The following TGFB3 variants were observed in gnomAD, a reference collection of about 807,000 sequenced individuals.
TGFB3 encodes transforming growth factor beta 3.
TGFB3 carries 5 observed loss-of-function variants against 40.1 expected under a neutral mutation model. The observed-to-expected ratio is 0.12, with a 90% CI of 0.07 to 0.26. The LOEUF is 0.26. Ranked by LOEUF, TGFB3 falls within the 10% of genes least tolerant of loss-of-function variation. TGFB3 has a pLI of 1.00. For synonymous variants in TGFB3, 184 were observed against 205.6 expected, an observed-to-expected ratio of 0.89 and a Z score of 0.90; for missense variants, 373 against 530.1, an observed-to-expected ratio of 0.70 and a Z score of 2.91.
In TGFB3 at chr14:75,965,632, T is replaced by A; in HGVS notation, c.710A>T (p.Asp237Val). 6.2e-7 allele frequency: 1 copy of A among 1,614,198 alleles called. No homozygotes were observed. The highest frequency in any genetic ancestry group is 8.5e-7 in the Non-Finnish European group (1 of 1,180,022). The change falls in exon 4 of 7, where the codon GAT (aspartate) becomes GTT (valine). Residue 237 changes from aspartate (D) to valine (V), a missense_variant. Asp to Val is a radical substitution (Grantham distance 152). Coordinates refer to ENST00000238682, the MANE Select transcript of TGFB3 (RefSeq NM_003239.5). ...CACCTCGTGAATGTTTTCCAGGATA[T>A]CTCCATTGGGCTGAAAGGTGTGACA... ...CPCHTFQPNGDILENIHEVME... is the reference protein window; with the variant it reads ...CPCHTFQPNGVILENIHEVME...
chr14:75,976,447 G>A (rs2035355118), intron 1 of TGFB3, among the ~76,000 whole-genome samples: 1 of 152,172 alleles, frequency 6.6e-6, no homozygotes, highest in Non-Finnish European at 1.5e-5. Context: ...CTGCTTTAAT[G>A]GTGTGAGCTT....
intron 3 of TGFB3, among the ~76,000 whole-genome samples, chr14:75,968,622 A>G (rs777035378): frequency 1.8e-4 from 28 of 152,176 alleles, no homozygotes; most frequent in African/African-American, 6.5e-4. Flanking sequence ...TCCTTTCTGT[A>G]GCCGTCTGAG....
In TGFB3 at chr14:75,981,026, G is replaced by T; in HGVS notation, c.-133C>A. ...AAAGACTGAGGCTTGGCAAGAAGGT[G>T]CATGAACTCACTGCACTGCGAGAGC... On this transcript the variant is annotated 5_prime_UTR_variant, in exon 1 of 7. Coordinates refer to ENST00000238682, the MANE Select transcript of TGFB3 (RefSeq NM_003239.5). This position sits in a 1 kb window ranked among gnomAD's most constrained non-coding sequence, Gnocchi z 4.7. 1.2e-6 allele frequency: 1 copy of T among 809,308 alleles called. No individual in the cohort carries two copies. The highest frequency in any genetic ancestry group is 2.1e-6 in the Non-Finnish European group (1 of 479,910). 50.1% of individuals were successfully genotyped at this position (809,308 alleles called of 1,614,324 possible).
chr14:75,965,790 C>G, intron 3 of TGFB3, 95 bp from the exon 4 acceptor site: 1 of 1,023,188 alleles, frequency 9.8e-7, no homozygotes, highest in Non-Finnish European at 1.5e-6. Flanking sequence ...GCCTCTGCTC[C>G]TATAGGGACT....
At chr14:75,959,439 G>A (rs2035126820) in intron 6 of TGFB3, 94 bp from the exon 7 acceptor site, 7 of 1,510,158 alleles carry the variant, frequency 4.6e-6, no homozygotes, top group East Asian at 2.3e-5. Context: ...CCCAGAAGCT[G>A]AGCAAGTGCT....
At chr14:75,975,007 C>T (rs1277860715) in intron 1 of TGFB3, among the ~76,000 whole-genome samples, 1 of 151,894 alleles carries the variant, frequency 6.6e-6, no homozygotes, top group African/African-American at 2.4e-5. Context: ...GGGAGGATTG[C>T]TTGAGCCCAG....
intron 3 of TGFB3, 31 bp from the exon 4 acceptor site, chr14:75,965,726 G>C: frequency 1.3e-6 from 2 of 1,574,724 alleles, no homozygotes; most frequent in African/African-American, 1.3e-5. Context: ...AGTGAGAAAA[G>C]CACCTCTGTG....
intron 1 of TGFB3, among the ~76,000 whole-genome samples, chr14:75,976,956 AC>A (rs2035360751): frequency 1.3e-5 from 2 of 151,994 alleles, no homozygotes; most frequent in Admixed American, 6.6e-5. Context: ...CCAAGACTCC[AC>A]CCCCTCAAGA....
At chr14:75,965,522 G>A (rs1180682011) in intron 4 of TGFB3, 66 bp downstream of exon 4, 2 of 1,345,312 alleles carry the variant, frequency 1.5e-6, no homozygotes, top group Admixed American at 3.4e-5. Flanking sequence ...AGGGTCTCCT[G>A]CACTATCCTG....
rs2035120972 is a variant in TGFB3, at chr14:75,959,098, A to G, written c.*89T>C. On this transcript the variant is annotated 3_prime_UTR_variant, in exon 7 of 7. Coordinates refer to ENST00000238682, the MANE Select transcript of TGFB3 (RefSeq NM_003239.5). ...GAAGGTTGTGGGCTCCAGGCCTCTC[A>G]GTGAGGTTTGTTGCTTGTGTGTTTC... 3.2e-6 allele frequency: 5 copies of G among 1,563,678 alleles called. No individual in the cohort carries two copies. Among genetic ancestry groups the G allele is most frequent in the Admixed American group, 1.7e-5 (1 of 59,730 alleles).
chr14:75,971,541 G>A lies in TGFB3; in HGVS notation c.516+14C>T, dbSNP rs757567007. 4 of 1,613,838 alleles carry A rather than the reference G, an allele frequency of 2.5e-6. No homozygotes were observed. The highest frequency in any genetic ancestry group is 3.4e-6 in the Non-Finnish European group (4 of 1,179,958). On this transcript the variant is annotated intron_variant, in intron 2 of 6. Coordinates refer to ENST00000238682, the MANE Select transcript of TGFB3 (RefSeq NM_003239.5). The surrounding 1 kb of genome is among the most constrained non-coding windows in gnomAD (Gnocchi z 4.5). The stretch of plus-strand genomic sequence containing the variant: ...TTCCCGTCGGTGTGGTTTCTGCTCT[G>A]AGAGAGGAGTTACCTGGAAGAGCTC...
At chr14:75,962,837 G>A (rs2035173742) in intron 5 of TGFB3, among the ~76,000 whole-genome samples, 1 of 152,162 alleles carries the variant, frequency 6.6e-6, no homozygotes, top group East Asian at 1.9e-4. Flanking sequence ...GAATTCATTT[G>A]TTAATTTCTC....
Position 75,971,531 on chromosome 14 carries a change from T to C in TGFB3, c.516+24A>G. On this transcript the variant is annotated intron_variant, in intron 2 of 6. Transcript: ENST00000238682. This position sits in a 1 kb window ranked among gnomAD's most constrained non-coding sequence, Gnocchi z 4.5. ...GGAACCAGCTTTCCCGTCGGTGTGG[T>C]TTCTGCTCTGAGAGAGGAGTTACCT... 1.2e-6 allele frequency: 2 copies of C among 1,613,698 alleles called. No homozygotes were observed. Among genetic ancestry groups the C allele is most frequent in the African/African-American group, 1.3e-5 (1 of 75,038 alleles).
intron 6 of TGFB3, 145 bp from the exon 7 acceptor site, chr14:75,959,490 C>G: frequency 1.1e-6 from 1 of 941,080 alleles, no homozygotes; most frequent in Non-Finnish European, 1.7e-6. Flanking sequence ...CTGTTGGGGG[C>G]CGGGTGCAGT....
At chr14:75,968,940 C>A (rs1230526567) in intron 3 of TGFB3, among the ~76,000 whole-genome samples, 1 of 152,206 alleles carries the variant, frequency 6.6e-6, no homozygotes, top group East Asian at 1.9e-4. Flanking sequence ...AACTGCCAGC[C>A]TCACTCTTGG....
rs1261500217 is a variant in TGFB3 at position 75,977,652 on chromosome 14, C to T, written c.352+2890G>A. Among the ~76,000 whole-genome samples the T allele has an allele frequency of 6.6e-5, 9 of 135,358 alleles. No individual in the cohort carries two copies. The East Asian group carries it at 1.7e-3, about 25-fold the overall frequency. The allele number at this position is 135,358 out of a possible 152,430, so 88.8% of individuals were successfully genotyped here. ...AACATTTGTGGCAGTATGAATCTCC[C>T]GGGCAAAAAAAAAAAAAAAAAAATG... On this transcript the variant is annotated intron_variant, in intron 1 of 6. Coordinates refer to ENST00000238682, the MANE Select transcript of TGFB3 (RefSeq NM_003239.5).
Position 75,959,355 on chromosome 14 carries a change from G to A in TGFB3, c.1081-10C>T. 1 of 1,613,890 alleles carries A rather than the reference G, an allele frequency of 6.2e-7. No individual in the cohort carries two copies. The highest frequency in any genetic ancestry group is 1.7e-5 in the Admixed American group (1 of 60,018). ...TGTACAGTCCCAGCACCTGGGAAGG[G>A]ACATGTCAGTGAGAGGTTGGAAGGC... On this transcript the variant is annotated splice_polypyrimidine_tract_variant and intron_variant, in intron 6 of 6. Coordinates refer to ENST00000238682, the MANE Select transcript of TGFB3 (RefSeq NM_003239.5).
Position 75,971,219 on chromosome 14 carries a change from A to G in TGFB3, c.553T>C (p.Tyr185His). ...GTGGGCAGATTCTTGCCACCGATAT[A>G]GCGCTGTTTGGCAATGTGCTCATCT... ...RPDEHIAKQR[Y>H]IGGKNLPTRG... Residue 185 changes from tyrosine (Y) to histidine (H), a missense_variant, in exon 3 of 7, where the codon TAT becomes CAT. By Grantham distance (83) the Tyr-to-His change is moderately conservative. Transcript: ENST00000238682. This position sits in a 1 kb window ranked among gnomAD's most constrained non-coding sequence, Gnocchi z 4.5. 1.2e-6 allele frequency: 2 copies of G among 1,614,168 alleles called. No individual in the cohort carries two copies. Among genetic ancestry groups the G allele is most frequent in the Non-Finnish European group, 1.7e-6 (2 of 1,180,030 alleles).
intron 1 of TGFB3, among the ~76,000 whole-genome samples, chr14:75,975,666 T>C (rs557653169): frequency 3.3e-5 from 5 of 152,184 alleles, no homozygotes; most frequent in Non-Finnish European, 7.4e-5. Flanking sequence ...CAAGGTCACA[T>C]AACTAGAAGG....
Sources: allele counts gnomAD v4.1 joint callset (sites outside exome capture counted in the v4.1 genomes callset), GRCh38; gene constraint gnomAD v4.1.1; non-coding constraint Gnocchi (gnomAD v3.1); transcripts MANE v1.5; gene names NCBI Gene and HGNC (gene_info 2026-07-23, HGNC 2026-07-21).